Variants in TDRD10 observed in about 807,000 individuals in gnomAD.
TDRD10 encodes the protein tudor domain containing 10.
TDRD10 carries 40 observed loss-of-function variants against 48.0 expected under a neutral mutation model. The ratio of observed to expected loss-of-function variants is 0.83; its 90% confidence interval spans 0.65 to 1.09. TDRD10 has a LOEUF of 1.09. Ranked by LOEUF, TDRD10 falls within the 50% of genes least tolerant of loss-of-function variation. The pLI, the probability that TDRD10 is intolerant of heterozygous loss-of-function variation, is 0.00. For synonymous variants in TDRD10, 162 were observed against 170.4 expected, an observed-to-expected ratio of 0.95 and a Z score of 0.38; for missense variants, 378 against 434.7, an observed-to-expected ratio of 0.87 and a Z score of 1.16.
In TDRD10 at chr1:154,543,996, C is replaced by T; in HGVS notation, c.537C>T (p.Cys179=). The part of the protein sequence containing the change: ...GSFLVLLLRE[C]FRDLSWLALI... ...TCCTGGTGCTGCTCCTGAGGGAATGCTTCCGAGACCTGAGCTGGCTGGCAC... is the reference window on the plus strand; with the variant it reads ...TCCTGGTGCTGCTCCTGAGGGAATGTTTCCGAGACCTGAGCTGGCTGGCAC... The change falls in exon 9 of 13, where the codon TGC becomes TGT. Residue 179 remains cysteine (C), a synonymous_variant. Transcript: ENST00000368482. 1 of 1,614,196 alleles carries T rather than the reference C, an allele frequency of 6.2e-7. No homozygotes were observed. Among genetic ancestry groups the T allele is most frequent in the Non-Finnish European group, 8.5e-7 (1 of 1,180,020 alleles).
intron 1 of TDRD10, among the ~76,000 whole-genome samples, chr1:154,504,902 G>A (rs887859818): frequency 6.6e-6 from 1 of 152,122 alleles, no homozygotes; most frequent in African/African-American, 2.4e-5. Flanking sequence ...TGGGAGAATC[G>A]CTTGAATGTG....
intron 4 of TDRD10, among the ~76,000 whole-genome samples, chr1:154,515,599 T>C (rs953167868): frequency 1.3e-5 from 2 of 152,240 alleles, no homozygotes; most frequent in Admixed American, 6.5e-5. Context: ...GGTGGCCTTC[T>C]CAGAGGCCCT....
At chr1:154,511,107 T>TTTTG (rs978301643) in intron 4 of TDRD10, among the ~76,000 whole-genome samples, 13 of 152,096 alleles carry the variant, frequency 8.5e-5, no homozygotes, top group Middle Eastern at 3.4e-3. Flanking sequence ...CCATTAACTT[T>TTTTG]TTTGTTTGTT....
chr1:154,541,946 A>G lies in TDRD10; in HGVS notation c.370-78A>G, dbSNP rs1570981933. 6.2e-6 allele frequency: 9 copies of G among 1,459,278 alleles called. 1 individual carries two copies. The East Asian group carries it at 1.1e-4, about 19-fold the overall frequency. 90.4% of individuals were successfully genotyped at this position (1,459,278 alleles called of 1,614,324 possible). A position where few individuals can be genotyped will look rare whatever the true frequency, so the allele number is the denominator to read the frequency against. Reference sequence around the variant, plus strand: ...CTGCCGATGCTCTGTCTCCCAGTCTACCTGGAGTGATTCAACATAGAAATC... The same window carrying G: ...CTGCCGATGCTCTGTCTCCCAGTCTGCCTGGAGTGATTCAACATAGAAATC... On this transcript the variant is annotated intron_variant, in intron 6 of 12. Coordinates refer to ENST00000368482, the MANE Select transcript of TDRD10 (RefSeq NM_182499.4).
chr1:154,532,124 G>A (rs796978210), intron 6 of TDRD10, among the ~76,000 whole-genome samples: 10 of 152,346 alleles, frequency 6.6e-5, no homozygotes, highest in African/African-American at 2.4e-4. Flanking sequence ...ATAGGACCAG[G>A]TGCTGTGGAG....
rs1024502542 is a variant in TDRD10, at chr1:154,507,273, A to C, written c.35A>C (p.Asp12Ala). Residue 12 changes from aspartate (D) to alanine (A), a missense_variant, in exon 3 of 13, where the codon GAT (aspartate) becomes GCT (alanine). Physicochemically the swap from Asp to Ala is moderately radical, Grantham distance 126. Around this residue, in one of 2 missense-constraint regions of TDRD10, gnomAD observed 310 missense variants for 323.6 expected, o/e 0.96. Coordinates refer to ENST00000368482, the MANE Select transcript of TDRD10 (RefSeq NM_182499.4). ...AACATTAGTCACCCCCAACTCTCTG[A>C]TAAACTGTTTGGGAAGAATGGAGTG... ...SWNISHPQLS[D>A]KLFGKNGVLE... The C allele has an allele frequency of 3.7e-6, 6 of 1,613,932 alleles. No individual in the cohort carries two copies. Among genetic ancestry groups the C allele is most frequent in the African/African-American group, 1.3e-5 (1 of 74,882 alleles).
At chr1:154,505,194 T>G (rs768774042) in intron 1 of TDRD10, among the ~76,000 whole-genome samples, 7 of 152,250 alleles carry the variant, frequency 4.6e-5, no homozygotes, top group Non-Finnish European at 8.8e-5. Context: ...CTCCGGGACT[T>G]CATCTGTAAA....
chr1:154,543,764 C>G (rs1695383158), intron 8 of TDRD10, among the ~76,000 whole-genome samples, 199 bp from the exon 9 acceptor site: 1 of 152,178 alleles, frequency 6.6e-6, no homozygotes, highest in African/African-American at 2.4e-5. Flanking sequence ...AATGGCCCTT[C>G]CTTTCCTCTG....
At chr1:154,541,156 G>A (rs1695206593) in intron 6 of TDRD10, among the ~76,000 whole-genome samples, 1 of 152,116 alleles carries the variant, frequency 6.6e-6, no homozygotes, top group Non-Finnish European at 1.5e-5. Flanking sequence ...CTTGTTTCCT[G>A]TGGAAAAGGC....
chr1:154,527,121 G>C (rs1694359829), intron 6 of TDRD10, among the ~76,000 whole-genome samples: 1 of 150,716 alleles, frequency 6.6e-6, no homozygotes, highest in South Asian at 2.1e-4. Context: ...ATGTTGGGCA[G>C]GCTGGTCTAG....
chr1:154,536,151 G>A (rs546357922), intron 6 of TDRD10, among the ~76,000 whole-genome samples: 1 of 152,340 alleles, frequency 6.6e-6, no homozygotes, highest in East Asian at 1.9e-4. Flanking sequence ...GCCGAGGTGG[G>A]TGGATCATGA....
intron 6 of TDRD10, among the ~76,000 whole-genome samples, chr1:154,528,925 A>G (rs954529802): frequency 6.6e-6 from 1 of 152,222 alleles, no homozygotes; most frequent in Non-Finnish European, 1.5e-5. Flanking sequence ...ACATTATTAC[A>G]TTATATACAC....
chr1:154,547,685 T>C lies in TDRD10; in HGVS notation c.1031T>C (p.Ile344Thr), dbSNP rs1321267719. ...ITGALNSALHILKFEESK is the reference protein window; with the variant it reads ...ITGALNSALHTLKFEESK ...TTTGTCTTTCTCTTCCAGTTGCACA[T>C]CCTAAAGTTTGAAGAGTCTAAATAA... The change falls in exon 13 of 13, where the codon ATC becomes ACC. Residue 344 changes from isoleucine to threonine, a missense_variant. Ile to Thr is a moderately conservative substitution (Grantham distance 89). This residue lies in a region of TDRD10 where 68 missense variants were observed against 111.1 expected (regional missense o/e 0.61). Coordinates refer to ENST00000368482, the MANE Select transcript of TDRD10 (RefSeq NM_182499.4). The C allele has an allele frequency of 6.2e-7, 1 of 1,613,966 alleles. No individual in the cohort carries two copies. The highest frequency in any genetic ancestry group is 1.7e-5 in the Admixed American group (1 of 60,006).
intron 8 of TDRD10, 73 bp from the exon 9 acceptor site, chr1:154,543,890 C>T (rs1045530831): frequency 4.0e-5 from 63 of 1,583,834 alleles, no homozygotes; most frequent in East Asian, 1.3e-4. Flanking sequence ...GCAGGACAGG[C>T]GTTGGTCCAG....
chr1:154,503,625 C>G (rs764907711), intron 1 of TDRD10, among the ~76,000 whole-genome samples: 4 of 152,046 alleles, frequency 2.6e-5, no homozygotes, highest in Non-Finnish European at 5.9e-5. Context: ...AAACACCTTT[C>G]TGGTTTAAAA....
intron 4 of TDRD10, among the ~76,000 whole-genome samples, chr1:154,518,650 C>G (rs1693895324): frequency 6.6e-6 from 1 of 152,114 alleles, no homozygotes; most frequent in African/African-American, 2.4e-5. Context: ...AGGATGGTCT[C>G]TATCTCCTGA....
intron 4 of TDRD10, among the ~76,000 whole-genome samples, chr1:154,512,416 C>T (rs1188655488): frequency 2.0e-5 from 3 of 152,154 alleles, no homozygotes; most frequent in African/African-American, 7.2e-5. Flanking sequence ...TCGATCTTGG[C>T]TCACTGCAAC....
At chr1:154,513,091 T>A (rs553611768) in intron 4 of TDRD10, among the ~76,000 whole-genome samples, 5 of 152,172 alleles carry the variant, frequency 3.3e-5, no homozygotes, top group Admixed American at 1.3e-4. Context: ...ATTTTTGTTC[T>A]GATTTGAAAG....
intron 6 of TDRD10, among the ~76,000 whole-genome samples, chr1:154,525,704 G>C (rs1570936842): frequency 6.6e-6 from 1 of 152,286 alleles, no homozygotes; most frequent in East Asian, 1.9e-4. Flanking sequence ...GACCAGCCTA[G>C]CCAACATGGC....
Sources: allele counts gnomAD v4.1 joint callset (sites outside exome capture counted in the v4.1 genomes callset), GRCh38; gene constraint gnomAD v4.1.1; regional missense constraint gnomAD v4.1.1; transcripts MANE v1.5; gene names NCBI Gene and HGNC (gene_info 2026-07-23, HGNC 2026-07-21).